The following PTPRN2 variants were observed in gnomAD, a reference collection of about 807,000 sequenced individuals.
PTPRN2 encodes receptor-type tyrosine-protein phosphatase N2.
A neutral mutation model predicts 118.8 loss-of-function variants in PTPRN2; 74 were observed. That is an observed-to-expected ratio of 0.62 (90% CI 0.52 to 0.76). The LOEUF (loss-of-function observed/expected upper bound fraction) is 0.76, where lower values mean the gene tolerates loss of function less well. Ranked by LOEUF, PTPRN2 falls within the 30% of genes least tolerant of loss-of-function variation. The probability of loss-of-function intolerance (pLI) is 0.00; values close to 1 mark genes in which losing one functional copy is unlikely to be tolerated. For synonymous variants in PTPRN2, 641 were observed against 608.0 expected (o/e 1.05, Z -0.80); for missense variants, 1,481 against 1,394.4 (o/e 1.06, Z -0.99).
intron 11 of PTPRN2, among the ~76,000 whole-genome samples, chr7:157,962,184 A>C (rs1199552546): frequency 6.6e-6 from 1 of 152,266 alleles, no homozygotes; most frequent in African/African-American, 2.4e-5. Flanking sequence ...TTGAAATTTA[A>C]GGAGAAGCAA....
intron 2 of PTPRN2, among the ~76,000 whole-genome samples, chr7:158,454,001 C>T (rs1242015107): frequency 9.4e-5 from 13 of 138,916 alleles, no homozygotes; most frequent in African/African-American, 2.4e-4. Context: ...CAAGACACAA[C>T]GCACACAATC....
chr7:157,916,170 T>G (rs1318896435), intron 11 of PTPRN2, among the ~76,000 whole-genome samples: 2 of 152,252 alleles, frequency 1.3e-5, no homozygotes, highest in Non-Finnish European at 2.9e-5. Flanking sequence ...CTTTTCTTTG[T>G]GTGGTGCTGC....
At chr7:158,071,815 TCGTATGGA>T (rs1811863722) in intron 11 of PTPRN2, among the ~76,000 whole-genome samples, 1 of 91,172 alleles carries the variant, frequency 1.1e-5, no homozygotes, top group Non-Finnish European at 2.1e-5. Context: ...GAGGTGCTCG[TCGTATGGA>T]GGTGCCCGTG....
At chr7:158,352,230 C>A (rs1443858553) in intron 2 of PTPRN2, among the ~76,000 whole-genome samples, 8 of 27,094 alleles carry the variant, frequency 3.0e-4, no homozygotes, top group Non-Finnish European at 5.1e-4. Context: ...CCCTCCTGTC[C>A]GCTCCCCTCC....
intron 2 of PTPRN2, among the ~76,000 whole-genome samples, chr7:158,443,789 C>T (rs1309747874): frequency 6.6e-6 from 1 of 152,164 alleles, no homozygotes; most frequent in East Asian, 1.9e-4. Flanking sequence ...CAGGAGCTTC[C>T]TCTACCATGT....
chr7:158,095,670 C>A (rs887724514), intron 10 of PTPRN2, among the ~76,000 whole-genome samples: 1 of 152,216 alleles, frequency 6.6e-6, no homozygotes, highest in East Asian at 1.9e-4. Flanking sequence ...CAGAAACACT[C>A]TAGTCACTGA....
rs564706342 is a variant in PTPRN2 at position 157,937,646 on chromosome 7, C to T, written c.1724-38909G>A. 3.4e-4 allele frequency among the ~76,000 whole-genome samples: 52 copies of T among 152,334 alleles called. No individual in the cohort carries two copies. In the East Asian group the frequency reaches 7.9e-3, roughly 23 times the overall value. On this transcript the variant is annotated intron_variant, in intron 11 of 22. Coordinates refer to ENST00000389418, the MANE Select transcript of PTPRN2 (RefSeq NM_002847.5). Reference sequence around the variant, plus strand: ...GCTCTTCAGTGCAAAGGTTCTGCCCCGGACTCTCACCAGCTGCTGAGAGCG... The same window carrying T: ...GCTCTTCAGTGCAAAGGTTCTGCCCTGGACTCTCACCAGCTGCTGAGAGCG...
chr7:158,313,960 G>C (rs907374006), intron 3 of PTPRN2, among the ~76,000 whole-genome samples: 5 of 152,104 alleles, frequency 3.3e-5, no homozygotes, highest in Admixed American at 3.3e-4. Context: ...CAGGCTGAGA[G>C]TCTTGTGCAT....
intron 12 of PTPRN2, among the ~76,000 whole-genome samples, chr7:157,770,704 G>C (rs1796261): frequency 6.6e-6 from 1 of 152,054 alleles, no homozygotes; most frequent in Non-Finnish European, 1.5e-5. Flanking sequence ...TCGGGTAGAC[G>C]GACATCCTCG....
At chr7:157,793,592 C>A (rs1181899707) in intron 12 of PTPRN2, among the ~76,000 whole-genome samples, 1 of 152,200 alleles carries the variant, frequency 6.6e-6, no homozygotes, top group Non-Finnish European at 1.5e-5. Context: ...ACGTGGGATT[C>A]TCACATGCTC....
chr7:158,170,086 C>A (rs1823401687), intron 5 of PTPRN2, among the ~76,000 whole-genome samples: 1 of 152,214 alleles, frequency 6.6e-6, no homozygotes, highest in Admixed American at 6.5e-5. Flanking sequence ...TAGCTGAAAT[C>A]AACTATTCTT....
Position 157,796,478 on chromosome 7 carries a change from G to C in PTPRN2, c.1788+102195C>G, listed in dbSNP as rs536500595. On this transcript the variant is annotated intron_variant, in intron 12 of 22. Coordinates refer to ENST00000389418, the MANE Select transcript of PTPRN2 (RefSeq NM_002847.5). Reference sequence around the variant, plus strand: ...GTTTACTGAACGCCTGCCCATGGAAGCCACTGTCCTCATCACTGGGAAAGG... The same window carrying C: ...GTTTACTGAACGCCTGCCCATGGAACCCACTGTCCTCATCACTGGGAAAGG... Among the ~76,000 whole-genome samples, 6 of 152,346 alleles carry C rather than the reference G, an allele frequency of 3.9e-5. No individual in the cohort carries two copies. The South Asian group carries it at 1.2e-3, about 32-fold the overall frequency.
chr7:158,554,243 C>T (rs57789335), intron 1 of PTPRN2, among the ~76,000 whole-genome samples: 6,651 of 152,244 alleles, frequency 0.044, 471 homozygotes, highest in African/African-American at 0.15. Context: ...CCAGCCTGGG[C>T]GAAAGAGTGA....
chr7:158,141,120 G>A (rs1186563080), intron 6 of PTPRN2, among the ~76,000 whole-genome samples: 1 of 152,112 alleles, frequency 6.6e-6, no homozygotes, highest in Non-Finnish European at 1.5e-5. Context: ...AGGTCCCGCC[G>A]CAACCTTCTG....
chr7:158,478,446 C>T (rs886692894), intron 2 of PTPRN2, among the ~76,000 whole-genome samples: 7 of 152,128 alleles, frequency 4.6e-5, no homozygotes, highest in Admixed American at 1.3e-4. Flanking sequence ...CTCAGCACGT[C>T]GGTAACGAAT....
At chr7:158,069,893 C>T (rs934108444) in intron 11 of PTPRN2, among the ~76,000 whole-genome samples, 10 of 152,232 alleles carry the variant, frequency 6.6e-5, no homozygotes, top group African/African-American at 1.7e-4. Flanking sequence ...AATGCAGCCT[C>T]GCGGAGTGTA....
rs1002874051 is a variant in PTPRN2 at position 157,893,913 on chromosome 7, G to A, written c.1788+4760C>T. Among the ~76,000 whole-genome samples the A allele has an allele frequency of 2.0e-5, 3 of 152,088 alleles. No individual in the cohort carries two copies. The highest frequency in any genetic ancestry group is 6.5e-5 in the Admixed American group (1 of 15,268). On this transcript the variant is annotated intron_variant, in intron 12 of 22. Transcript: ENST00000389418. The surrounding 1 kb of genome is among the most constrained non-coding windows in gnomAD (Gnocchi z 4.0). ...TGAAGGGAACAGAGATGGCCGTCGC[G>A]CCCAGTGAGAGCAGAAAGCAATGCA... is the stretch of plus-strand genomic sequence containing the variant.
chr7:157,898,593 G>A, intron 12 of PTPRN2, 80 bp downstream of exon 12: 1 of 1,387,026 alleles, frequency 7.2e-7, no homozygotes, highest in Non-Finnish European at 1.0e-6. Context: ...TGCAGGTCCA[G>A]CCTCTGTTCT....
intron 1 of PTPRN2, among the ~76,000 whole-genome samples, chr7:158,515,761 AC>A (rs1192356813): frequency 6.6e-6 from 1 of 151,542 alleles, no homozygotes; most frequent in Non-Finnish European, 1.5e-5. Context: ...GCTTGTTTTC[AC>A]CCACGTGCCA....
Sources: gnomAD v4.1 joint callset for allele counts (sites outside exome capture counted in the v4.1 genomes callset) on GRCh38, gnomAD v4.1.1 for gene constraint, Gnocchi (gnomAD v3.1) non-coding constraint, MANE v1.5 for transcripts, NCBI Gene and HGNC (gene_info 2026-07-23, HGNC 2026-07-21) for gene names.